Variants in PDSS1 observed in about 807,000 individuals in gnomAD.
PDSS1 encodes the protein all trans-polyprenyl-diphosphate synthase PDSS1.
In PDSS1, 43 loss-of-function variants were observed where a neutral mutation model predicts 57.5. The observed-to-expected ratio is 0.75, with a 90% confidence interval of 0.59 to 0.96. PDSS1 has a LOEUF of 0.96. Ranked by LOEUF, PDSS1 falls within the 50% of genes least tolerant of loss-of-function variation. The pLI, the probability that PDSS1 is intolerant of heterozygous loss-of-function variation, is 0.00. For synonymous variants in PDSS1, 175 were observed against 191.3 expected (o/e 0.91, Z 0.70); for missense variants, 438 against 527.8 (o/e 0.83, Z 1.67).
At chr10:26,711,794 A>G (rs1835413636) in intron 5 of PDSS1, among the ~76,000 whole-genome samples, 1 of 94,562 alleles carries the variant, frequency 1.1e-5, no homozygotes, top group African/African-American at 3.4e-5. Flanking sequence ...GATACTGCCA[A>G]GTGTCCCATG....
At chr10:26,710,124 A>G in intron 5 of PDSS1, among the ~76,000 whole-genome samples, 1 of 100,138 alleles carries the variant, frequency 1.0e-5, no homozygotes, top group Non-Finnish European at 2.4e-5. Flanking sequence ...ATTGCACTCC[A>G]GCCTGGGCGA....
chr10:26,701,615 G>T, intron 1 of PDSS1, among the ~76,000 whole-genome samples: 1 of 152,244 alleles, frequency 6.6e-6, no homozygotes, highest in Admixed American at 6.5e-5. Flanking sequence ...GGGAACTTCT[G>T]CCTAGATTTC....
chr10:26,701,635 A>T (rs1835053661), intron 1 of PDSS1, among the ~76,000 whole-genome samples: 2 of 152,240 alleles, frequency 1.3e-5, no homozygotes, highest in African/African-American at 2.4e-5. Flanking sequence ...CAGAGGATGT[A>T]TGGAAATGCC....
rs188602154 is a variant in PDSS1 at position 26,744,678 on chromosome 10, C to T, written c.1108-1655C>T. ...CTGGGAATACAGGCGTGAGCCACCGCGCTCAGTCCCCATGAACACTTTCTG... is the reference window on the plus strand; with the variant it reads ...CTGGGAATACAGGCGTGAGCCACCGTGCTCAGTCCCCATGAACACTTTCTG... On this transcript the variant is annotated intron_variant, in intron 11 of 11. Transcript: ENST00000376215. Among the ~76,000 whole-genome samples, 183 of 152,190 alleles carry T rather than the reference C, an allele frequency of 1.2e-3. 1 individual carries two copies. Among genetic ancestry groups the T allele is most frequent in the Non-Finnish European group, 2.1e-3 (143 of 68,010 alleles).
chr10:26,705,612 T>C (rs563652789), intron 4 of PDSS1, among the ~76,000 whole-genome samples: 1 of 152,256 alleles, frequency 6.6e-6, no homozygotes, highest in East Asian at 1.9e-4. Context: ...TAGCTGAGAT[T>C]ATAGGCATGC....
rs1418722010 is a variant in PDSS1 at position 26,746,380 on chromosome 10, T to G, written c.1155T>G (p.His385Gln). 1 of 1,614,126 alleles carries G rather than the reference T, an allele frequency of 6.2e-7. No individual in the cohort carries two copies. Among genetic ancestry groups the G allele is most frequent in the Non-Finnish European group, 8.5e-7 (1 of 1,179,954 alleles). The change falls in exon 12 of 12, where the codon CAT (histidine) becomes CAG (glutamine). Residue 385 changes from histidine to glutamine, a missense_variant. By Grantham distance (24) the His-to-Gln change is conservative. Transcript: ENST00000376215. Reference sequence around the variant, plus strand: ...CCTACCTCGCCCAGCAGTACTGCCATGAAGCAATAAGAGAGATCAGTAAAC... The same window carrying G: ...CCTACCTCGCCCAGCAGTACTGCCAGGAAGCAATAAGAGAGATCAGTAAAC... The part of the protein sequence containing the change: ...QTTYLAQQYC[H>Q]EAIREISKLR...
At chr10:26,711,054 G>A (rs1219007071) in intron 5 of PDSS1, among the ~76,000 whole-genome samples, 1 of 98,366 alleles carries the variant, frequency 1.0e-5, no homozygotes, top group Non-Finnish European at 2.4e-5. Context: ...ATGCACTGAC[G>A]GGGGATCTGG....
chr10:26,746,642 A>ACTT lies in PDSS1; in HGVS notation c.*170_*172dup, dbSNP rs1224205032. 3 of 671,526 alleles carry ACTT rather than the reference A, an allele frequency of 4.5e-6. No individual in the cohort carries two copies. The highest frequency in any genetic ancestry group is 7.6e-6 in the Non-Finnish European group (3 of 392,932). The allele number at this position is 671,526 out of a possible 1,614,324, so 41.6% of individuals were successfully genotyped here. A position where few individuals can be genotyped will look rare whatever the true frequency, so the allele number is the denominator to read the frequency against. ...TTTATTGCAAAAGTTTTTTCAGAAA[A>ACTT]CTTTTTAAATGTAATTAATAAACCA... On this transcript the variant is annotated 3_prime_UTR_variant, in exon 12 of 12. Transcript: ENST00000376215.
At chr10:26,728,017 C>T (rs1298152690) in intron 8 of PDSS1, among the ~76,000 whole-genome samples, 1 of 152,140 alleles carries the variant, frequency 6.6e-6, no homozygotes, top group Non-Finnish European at 1.5e-5. Context: ...CGCGTGCTGT[C>T]TTGTCTGTCC....
chr10:26,721,420 G>GTA (rs200135051), intron 6 of PDSS1, among the ~76,000 whole-genome samples: 3,035 of 33,824 alleles, frequency 0.09, 74 homozygotes, highest in African/African-American at 0.21. Context: ...AGAGATATAT[G>GTA]TATACACACA....
chr10:26,736,053 G>A (rs184620735), intron 10 of PDSS1, among the ~76,000 whole-genome samples: 3 of 152,328 alleles, frequency 2.0e-5, no homozygotes, highest in East Asian at 3.9e-4. Context: ...ATGAGACTCT[G>A]CTGCTCTGAG....
chr10:26,741,597 G>T (rs548405310), intron 10 of PDSS1, among the ~76,000 whole-genome samples: 1 of 152,314 alleles, frequency 6.6e-6, no homozygotes, highest in South Asian at 2.1e-4. Flanking sequence ...GCTTAAGGCA[G>T]AGCTCTGCAC....
chr10:26,698,065 A>G (rs1834928369), intron 1 of PDSS1, among the ~76,000 whole-genome samples: 1 of 151,556 alleles, frequency 6.6e-6, no homozygotes, highest in Non-Finnish European at 1.5e-5. Context: ...GGTTGCAGAA[A>G]GCGGTGTCCT....
At chr10:26,734,392 C>T (rs1466204403) in intron 8 of PDSS1, among the ~76,000 whole-genome samples, 1 of 152,188 alleles carries the variant, frequency 6.6e-6, no homozygotes, top group Non-Finnish European at 1.5e-5. Flanking sequence ...GACCGTCTCT[C>T]CCCTCCCCCT....
Position 26,697,749 on chromosome 10 carries a change from C to A in PDSS1, c.38C>A (p.Ser13Tyr), listed in dbSNP as rs1240128960. The A allele has an allele frequency of 5.4e-6, 7 of 1,294,362 alleles. No homozygotes were observed. The highest frequency in any genetic ancestry group is 2.5e-5 in the South Asian group (1 of 40,812). The allele number at this position is 1,294,362 out of a possible 1,614,324, so 80.2% of individuals were successfully genotyped here. A position where few individuals can be genotyped will look rare whatever the true frequency, so the allele number is the denominator to read the frequency against. Residue 13 changes from serine to tyrosine, a missense_variant, in exon 1 of 12, where the codon TCC becomes TAC. By Grantham distance (144) the Ser-to-Tyr change is moderately radical. Transcript: ENST00000376215. ...SRWWRWRRGC[S>Y]WKPAARSPGP... ...TGGTGGCGGTGGCGGCGCGGCTGCT[C>A]CTGGAAGCCGGCGGCGCGGAGCCCC...
chr10:26,746,665 C>A lies in PDSS1; in HGVS notation c.*192C>A. 1 of 585,500 alleles carries A rather than the reference C, an allele frequency of 1.7e-6. No individual in the cohort carries two copies. The highest frequency in any genetic ancestry group is 2.0e-5 in the South Asian group (1 of 50,906). 36.3% of individuals were successfully genotyped at this position (585,500 alleles called of 1,614,324 possible). ...AAACTTTTTAAATGTAATTAATAAA[C>A]CACCTGAATCTGTCATTCTAGTCCT... On this transcript the variant is annotated 3_prime_UTR_variant, in exon 12 of 12. Transcript: ENST00000376215.
At chr10:26,726,228 G>A (rs1314797343) in intron 8 of PDSS1, among the ~76,000 whole-genome samples, 7 of 152,170 alleles carry the variant, frequency 4.6e-5, no homozygotes, top group African/African-American at 1.4e-4. Context: ...GCAGCTGAAC[G>A]AACAGTGAAC....
chr10:26,746,397 T>TC lies in PDSS1; in HGVS notation c.1173dup (p.Ser392GlnfsTer2), dbSNP rs1302416149. ...TACTGCCATGAAGCAATAAGAGAGA[T>TC]CAGTAAACTTCGACCATCCCCAGAA... On this transcript the variant is annotated frameshift_variant, in exon 12 of 12. Transcript: ENST00000376215. LOFTEE classifies it high-confidence loss of function. 1 of 1,613,858 alleles carries TC rather than the reference T, an allele frequency of 6.2e-7. No individual in the cohort carries two copies. Among genetic ancestry groups the TC allele is most frequent in the East Asian group, 2.2e-5 (1 of 44,878 alleles).
At chr10:26,731,466 T>TA (rs1374170825) in intron 8 of PDSS1, among the ~76,000 whole-genome samples, 4 of 152,246 alleles carry the variant, frequency 2.6e-5, no homozygotes, top group African/African-American at 9.6e-5. Context: ...TTTCCAGTTT[T>TA]ACAATTACAA....
Sources: gnomAD v4.1 joint callset for allele counts (sites outside exome capture counted in the v4.1 genomes callset) on GRCh38, gnomAD v4.1.1 for gene constraint, MANE v1.5 for transcripts, NCBI Gene and HGNC (gene_info 2026-07-23, HGNC 2026-07-21) for gene names.